Variants in STX6 observed in about 807,000 individuals in gnomAD.
The protein encoded by STX6 is syntaxin 6.
Under a neutral mutation model 38.0 loss-of-function variants are expected in STX6, and 23 were observed. The ratio of observed to expected loss-of-function variants is 0.60; its 90% CI spans 0.43 to 0.86. STX6 has a LOEUF of 0.86. STX6 is among the 40% of genes least tolerant of loss of function. The pLI is 0.00. For synonymous variants in STX6, 123 were observed against 107.5 expected, an observed-to-expected ratio of 1.14 and a Z score of -0.89; for missense variants, 274 against 312.9, an observed-to-expected ratio of 0.88 and a Z score of 0.94.
chr1:180,993,294 A>G, intron 4 of STX6, 69 bp downstream of exon 4: 1 of 943,962 alleles, frequency 1.1e-6, no homozygotes. Flanking sequence ...GATGGTCAGC[A>G]TTTTTAAATT....
intron 7 of STX6, among the ~76,000 whole-genome samples, chr1:180,978,790 T>C (rs1341612660): frequency 6.6e-6 from 1 of 152,166 alleles, no homozygotes; most frequent in Non-Finnish European, 1.5e-5. Flanking sequence ...CACCAGAGGC[T>C]AAGACCTAAT....
At chr1:180,988,687 A>AATG (rs1466436195) in intron 5 of STX6, 3 of 207,242 alleles carry the variant, frequency 1.4e-5, no homozygotes, top group African/African-American at 7.0e-5. Flanking sequence ...GATGTTTGGG[A>AATG]GGAGGAAGCC....
At chr1:180,983,690 G>A (rs1655477914) in intron 7 of STX6, among the ~76,000 whole-genome samples, 1 of 152,142 alleles carries the variant, frequency 6.6e-6, no homozygotes, top group African/African-American at 2.4e-5. Context: ...CTTAACTGTT[G>A]TTTTACATAA....
intron 1 of STX6, among the ~76,000 whole-genome samples, chr1:181,019,894 G>A (rs1374739255): frequency 1.3e-5 from 2 of 152,170 alleles, no homozygotes; most frequent in African/African-American, 2.4e-5. Context: ...CGGGCGCGGT[G>A]GCTCACGCCT....
At chr1:180,994,606 T>C (rs1307551153) in intron 3 of STX6, among the ~76,000 whole-genome samples, 1 of 152,168 alleles carries the variant, frequency 6.6e-6, no homozygotes, top group Non-Finnish European at 1.5e-5. Context: ...CATAAGTGGA[T>C]GAGATTTCAC....
chr1:181,022,843 GCACT>G lies in STX6; in HGVS notation c.-174_-171del. ...GGTGCACAGGACGGCCGCTGGTCCAGCACTCGCTCAGCACCACTGGCCGAATCCC... is the reference window on the plus strand; with the variant it reads ...GGTGCACAGGACGGCCGCTGGTCCAGCGCTCAGCACCACTGGCCGAATCCC... On this transcript the variant is annotated 5_prime_UTR_variant, in exon 1 of 8. Coordinates refer to ENST00000258301, the MANE Select transcript of STX6 (RefSeq NM_005819.6). The G allele has an allele frequency of 1.6e-6, 1 of 630,338 alleles. No individual in the cohort carries two copies. Among genetic ancestry groups the G allele is most frequent in the Non-Finnish European group, 2.7e-6 (1 of 367,174 alleles). 39.0% of individuals were successfully genotyped at this position (630,338 alleles called of 1,614,324 possible). A position where few individuals can be genotyped will look rare whatever the true frequency, so the allele number is the denominator to read the frequency against.
At chr1:180,985,728 CT>C (rs1306456892) in intron 6 of STX6, among the ~76,000 whole-genome samples, 1 of 152,230 alleles carries the variant, frequency 6.6e-6, no homozygotes, top group Non-Finnish European at 1.5e-5. Context: ...ATATTCCAGA[CT>C]TTTCAACTTT....
At chr1:181,013,006 T>C (rs538523626) in intron 1 of STX6, among the ~76,000 whole-genome samples, 80 of 152,222 alleles carry the variant, frequency 5.3e-4, no homozygotes, top group South Asian at 3.7e-3. Flanking sequence ...AAAAAGTTGA[T>C]TCTGGCAAAC....
intron 1 of STX6, 46 bp downstream of exon 1, chr1:181,022,593 A>T: frequency 6.3e-7 from 1 of 1,583,272 alleles, no homozygotes; most frequent in South Asian, 1.1e-5. Flanking sequence ...GCGGGCAGGC[A>T]GCACCGCCAC....
Position 181,021,702 on chromosome 1 carries a change from G to A in STX6, c.35+937C>T, listed in dbSNP as rs79620745. On this transcript the variant is annotated intron_variant, in intron 1 of 7. Transcript: ENST00000258301. ...CATCAGAATTGATCTTCTTGCATGT[G>A]TTTAATGGCTACGAAGTGGATATTA... is the stretch of plus-strand genomic sequence containing the variant. Among the ~76,000 whole-genome samples, 664 of 152,310 alleles carry A rather than the reference G, an allele frequency of 4.4e-3. 4 individuals are homozygous for A. The highest frequency in any genetic ancestry group is 0.015 in the African/African-American group (625 of 41,558).
intron 1 of STX6, among the ~76,000 whole-genome samples, chr1:181,018,059 G>T (rs1456130552): frequency 6.6e-6 from 1 of 152,054 alleles, no homozygotes; most frequent in African/African-American, 2.4e-5. Context: ...CCACCCAGAA[G>T]TCTGAAGGAT....
intron 1 of STX6, 32 bp downstream of exon 1, chr1:181,022,607 T>C (rs1656773715): frequency 6.2e-7 from 1 of 1,601,990 alleles, no homozygotes; most frequent in Non-Finnish European, 8.5e-7. Context: ...CCGCCACCTC[T>C]TCCTCCGGTG....
intron 4 of STX6, among the ~76,000 whole-genome samples, chr1:180,990,340 G>A (rs1655720329): frequency 6.6e-6 from 1 of 152,262 alleles, no homozygotes; most frequent in African/African-American, 2.4e-5. Context: ...AATGGGCTTT[G>A]TCCCCTTAAA....
intron 7 of STX6, among the ~76,000 whole-genome samples, chr1:180,979,729 G>T (rs1655348627): frequency 1.3e-5 from 2 of 152,208 alleles, no homozygotes; most frequent in South Asian, 4.1e-4. Context: ...TATGCTCTGT[G>T]AAGTCACTGT....
rs750884397 is a variant in STX6 at position 180,976,283 on chromosome 1, C to G, written c.*287G>C. On this transcript the variant is annotated 3_prime_UTR_variant, in exon 8 of 8. Coordinates refer to ENST00000258301, the MANE Select transcript of STX6 (RefSeq NM_005819.6). The stretch of plus-strand genomic sequence containing the variant: ...AGTCCCTCCTCAGCAAACGAGGTCC[C>G]GGAAGGCAAGGCAGCAGCTAGTTCT... 7.6e-6 allele frequency: 3 copies of G among 396,640 alleles called. No individual in the cohort carries two copies. Among genetic ancestry groups the G allele is most frequent in the Non-Finnish European group, 9.5e-6 (2 of 210,174 alleles). The allele number at this position is 396,640 out of a possible 1,614,324, so 24.6% of individuals were successfully genotyped here. A position where few individuals can be genotyped will look rare whatever the true frequency, so the allele number is the denominator to read the frequency against.
chr1:180,999,637 CT>C (rs1239277683), intron 3 of STX6, among the ~76,000 whole-genome samples: 1 of 138,480 alleles, frequency 7.2e-6, no homozygotes, highest in African/African-American at 2.8e-5. Flanking sequence ...AGGCGATTTA[CT>C]TCTTCAGGTT....
intron 4 of STX6, among the ~76,000 whole-genome samples, chr1:180,992,333 C>T (rs545377293): frequency 6.6e-6 from 1 of 152,164 alleles, no homozygotes; most frequent in Non-Finnish European, 1.5e-5. Context: ...ATTTATAGAA[C>T]CCTGCCCCTT....
intron 3 of STX6, among the ~76,000 whole-genome samples, chr1:180,993,627 A>G (rs371844595): frequency 6.6e-6 from 1 of 152,194 alleles, no homozygotes. Context: ...TAACCTGGAT[A>G]CTAATTTGAA....
At chr1:180,991,204 G>A (rs924206215) in intron 4 of STX6, among the ~76,000 whole-genome samples, 17 of 152,172 alleles carry the variant, frequency 1.1e-4, no homozygotes, top group African/African-American at 3.6e-4. Flanking sequence ...GACTTCAGGG[G>A]CTAGGATCAG....
Sources: allele counts gnomAD v4.1 joint callset (sites outside exome capture counted in the v4.1 genomes callset), GRCh38; gene constraint gnomAD v4.1.1; transcripts MANE v1.5; gene names NCBI Gene and HGNC (gene_info 2026-07-23, HGNC 2026-07-21).